P3H2: variants seen among roughly 807,000 people sequenced by gnomAD.
The protein encoded by P3H2 is prolyl 3-hydroxylase 2.
P3H2 carries 80 observed loss-of-function variants against 87.0 expected under a neutral mutation model. That is an observed-to-expected ratio of 0.92 (90% confidence interval 0.77 to 1.11). The LOEUF (loss-of-function observed/expected upper bound fraction) is 1.11. P3H2 is among the 50% of genes least tolerant of loss of function. P3H2 has a pLI of 0.00. For synonymous variants in P3H2, 367 were observed against 359.3 expected (o/e 1.02, Z -0.24); for missense variants, 1,001 against 923.9 (o/e 1.08, Z -1.08).
At chr3:189,959,394 A>C (rs1274732057) in intron 14 of P3H2, among the ~76,000 whole-genome samples, 1 of 124,990 alleles carries the variant, frequency 8.0e-6, no homozygotes, top group South Asian at 3.3e-4. Context: ...TCCCAATGCT[A>C]TCCCTCCCCC....
At chr3:190,066,158 T>TATATATATACACACACAC (rs1256956930) in intron 1 of P3H2, among the ~76,000 whole-genome samples, 12 of 134,598 alleles carry the variant, frequency 8.9e-5, no homozygotes, top group African/African-American at 3.4e-4. Flanking sequence ...TATATATATA[T>TATATATATACACACACAC]ACACACACAC....
At chr3:189,966,052 GAAAGAA>G (rs1722967692) in intron 13 of P3H2, among the ~76,000 whole-genome samples, 1 of 133,666 alleles carries the variant, frequency 7.5e-6, no homozygotes, top group African/African-American at 3.0e-5. Flanking sequence ...AGAAAAGAAA[GAAAGAA>G]AGAAAGAGAA....
intron 1 of P3H2, among the ~76,000 whole-genome samples, chr3:189,998,989 G>C (rs941466425): frequency 2.0e-5 from 3 of 152,236 alleles, no homozygotes; most frequent in Admixed American, 6.5e-5. Flanking sequence ...ACAGAGCTCA[G>C]GTGGTAAGGT....
intron 11 of P3H2, among the ~76,000 whole-genome samples, chr3:189,972,562 G>C (rs1209985445): frequency 6.6e-6 from 1 of 152,232 alleles, no homozygotes; most frequent in East Asian, 1.9e-4. Flanking sequence ...TGGTGACTAT[G>C]ATTTCCATGT....
At chr3:190,119,080 G>A (rs1284213169) in intron 1 of P3H2, among the ~76,000 whole-genome samples, 2 of 144,082 alleles carry the variant, frequency 1.4e-5, no homozygotes, top group Admixed American at 1.4e-4. Context: ...ACTCCAGCCT[G>A]GGTGACAAGA....
chr3:190,061,260 A>AC (rs971616118), intron 1 of P3H2, among the ~76,000 whole-genome samples: 2 of 152,092 alleles, frequency 1.3e-5, no homozygotes, highest in African/African-American at 2.4e-5. Flanking sequence ...GCATTTAAAT[A>AC]CCGTTCTGTG....
intron 1 of P3H2, among the ~76,000 whole-genome samples, chr3:190,017,697 G>C (rs1235352823): frequency 1.3e-5 from 2 of 151,050 alleles, no homozygotes; most frequent in Non-Finnish European, 2.9e-5. Context: ...TGCAGCCCTT[G>C]TTAGTTAGTC....
At chr3:190,016,522 G>A (rs1420960811) in intron 1 of P3H2, among the ~76,000 whole-genome samples, 5 of 152,150 alleles carry the variant, frequency 3.3e-5, no homozygotes, top group African/African-American at 1.2e-4. Context: ...GGGATTACAG[G>A]CATGAGCCAC....
chr3:189,969,407 C>A, intron 13 of P3H2: 1 of 800,150 alleles, frequency 1.2e-6, no homozygotes. Context: ...TTAGCAGTCT[C>A]TATAAGAACG....
chr3:190,010,641 T>C (rs1212678773), intron 1 of P3H2, among the ~76,000 whole-genome samples: 1 of 152,180 alleles, frequency 6.6e-6, no homozygotes, highest in East Asian at 1.9e-4. Flanking sequence ...ACCTGACTCC[T>C]TGACTTTGGG....
At chr3:190,055,351 C>A (rs115922356) in intron 1 of P3H2, among the ~76,000 whole-genome samples, 3,026 of 152,214 alleles carry the variant, frequency 0.02, 111 homozygotes, top group African/African-American at 0.07. Flanking sequence ...TATTTAATTT[C>A]TAAAACTTCA....
chr3:190,080,759 C>A (rs914623159), intron 1 of P3H2, among the ~76,000 whole-genome samples: 2 of 151,930 alleles, frequency 1.3e-5, no homozygotes, highest in African/African-American at 4.8e-5. Context: ...ATTTGAGAGG[C>A]AAACCATAAA....
At chr3:190,095,650 G>C (rs1305107536) in intron 1 of P3H2, among the ~76,000 whole-genome samples, 2 of 150,002 alleles carry the variant, frequency 1.3e-5, no homozygotes, top group African/African-American at 2.5e-5. Flanking sequence ...ACCCAGGCTG[G>C]AGTGCAGTGG....
intron 1 of P3H2, among the ~76,000 whole-genome samples, chr3:190,050,693 TA>T (rs1725954591): frequency 1.3e-5 from 2 of 152,304 alleles, no homozygotes; most frequent in East Asian, 3.9e-4. Context: ...CATTAGATTT[TA>T]TTCGTCCTTC....
chr3:190,089,263 A>C (rs1398558073), intron 1 of P3H2, among the ~76,000 whole-genome samples: 1 of 152,228 alleles, frequency 6.6e-6, no homozygotes, highest in Non-Finnish European at 1.5e-5. Context: ...AGATACACCT[A>C]ATGTAAATGA....
rs537209730 is a variant in P3H2, at chr3:190,111,589, A to G, written c.480+8663T>C. ...CTATTTTAATATACTATATATAGAA[A>G]TGACACTGTAGCTTTCATCTGTGTA... On this transcript the variant is annotated intron_variant, in intron 1 of 14. Transcript: ENST00000319332. Among the ~76,000 whole-genome samples, 82 of 152,316 alleles carry G rather than the reference A, an allele frequency of 5.4e-4. 1 individual carries two copies. The South Asian group carries it at 0.016, about 30-fold the overall frequency.
Position 189,974,432 on chromosome 3 carries a change from T to A in P3H2, c.1452+126A>T, listed in dbSNP as rs549993994. On this transcript the variant is annotated intron_variant, in intron 9 of 14. Coordinates refer to ENST00000319332, the MANE Select transcript of P3H2 (RefSeq NM_018192.4). ...AAAAGTTCCTCAAAAATAATTTATG[T>A]CTTTCTCCTCAAGAAAGCAATATTT... is the stretch of plus-strand genomic sequence containing the variant. The A allele has an allele frequency of 8.7e-6, 11 of 1,270,800 alleles. No homozygotes were observed. In the African/African-American group the frequency reaches 1.3e-4, roughly 15 times the overall value. 78.7% of individuals were successfully genotyped at this position (1,270,800 alleles called of 1,614,324 possible).
intron 10 of P3H2, among the ~76,000 whole-genome samples, chr3:189,973,687 C>T (rs1194899244): frequency 1.3e-5 from 2 of 151,724 alleles, no homozygotes; most frequent in African/African-American, 4.8e-5. Flanking sequence ...CCATGCCTGG[C>T]TAATTTTTTT....
intron 1 of P3H2, among the ~76,000 whole-genome samples, chr3:190,043,543 T>A (rs1725707001): frequency 6.6e-6 from 1 of 152,224 alleles, no homozygotes; most frequent in African/African-American, 2.4e-5. Context: ...TTCCTATTGA[T>A]CTTTATCCCC....
Sources: gnomAD v4.1 joint callset for allele counts (sites outside exome capture counted in the v4.1 genomes callset) on GRCh38, gnomAD v4.1.1 for gene constraint, MANE v1.5 for transcripts, NCBI Gene and HGNC (gene_info 2026-07-23, HGNC 2026-07-21) for gene names.